The following TBX20 variants were observed in gnomAD, a reference collection of about 807,000 sequenced individuals.
TBX20 encodes the protein T-box transcription factor TBX20.
Under a neutral mutation model 42.9 loss-of-function variants are expected in TBX20, and 8 were observed. That is an observed-to-expected ratio of 0.19 (90% CI 0.11 to 0.34). The LOEUF is 0.34. Ranked by LOEUF, TBX20 falls within the 10% of genes least tolerant of loss-of-function variation. The probability of loss-of-function intolerance (pLI) is 1.00; values close to 1 mark genes in which losing one functional copy is unlikely to be tolerated. For missense variants in TBX20, 411 were observed against 566.0 expected, an observed-to-expected ratio of 0.73 and a Z score of 2.78; for synonymous variants, 198 against 222.8, an observed-to-expected ratio of 0.89 and a Z score of 0.99.
intron 6 of TBX20, among the ~76,000 whole-genome samples, chr7:35,218,229 T>G (rs562275016): frequency 1.3e-5 from 2 of 152,340 alleles, no homozygotes; most frequent in African/African-American, 4.8e-5. Flanking sequence ...TGGAATGGAT[T>G]AGACAATCTT....
At chr7:35,240,623 G>A (rs1453124391) in intron 5 of TBX20, among the ~76,000 whole-genome samples, 1 of 152,186 alleles carries the variant, frequency 6.6e-6, no homozygotes, top group East Asian at 1.9e-4. Flanking sequence ...GAAAATGTGA[G>A]AAGGCAGATT....
At chr7:35,247,633 T>C (rs1255421144) in intron 3 of TBX20, among the ~76,000 whole-genome samples, 2 of 152,204 alleles carry the variant, frequency 1.3e-5, no homozygotes, top group Non-Finnish European at 2.9e-5. Flanking sequence ...GACTCCAGAC[T>C]AGACACAAAG....
At position 35,240,959 on chromosome 7, in the gene TBX20, T is replaced by A. The variant is rs751292248; in HGVS notation, c.733A>T (p.Asn245Tyr). ...GTTCTAAATTCTTCAGACTTCAGGT[T>A]GAGCAATGAGGCTGTGTGGTCTTTC... ...KKKDHTASLL[N>Y]LKSEEFRTFI... Residue 245 changes from asparagine (N) to tyrosine (Y), a missense_variant, in exon 5 of 8, where the codon AAC (asparagine) becomes TAC (tyrosine). Around this residue, in one of 5 missense-constraint regions of TBX20, gnomAD observed 121 missense variants for 165.9 expected, o/e 0.73. Transcript: ENST00000408931. 1 of 1,613,868 alleles carries A rather than the reference T, an allele frequency of 6.2e-7. No homozygotes were observed. The highest frequency in any genetic ancestry group is 1.7e-5 in the Admixed American group (1 of 60,022).
intron 4 of TBX20, among the ~76,000 whole-genome samples, chr7:35,241,242 C>G (rs1317626704): frequency 3.3e-5 from 5 of 152,234 alleles, no homozygotes; most frequent in Non-Finnish European, 7.3e-5. Context: ...ACCAAAACAA[C>G]TGCAAACCAC....
Position 35,248,778 on chromosome 7 carries a change from G to T in TBX20, c.444C>A (p.Val148=). The part of the protein sequence containing the change: ...SGVDPEAKYI[V]LMDIVPVDNK... ...TGTCCACAGGGACGATGTCCATCAG[G>T]ACTATGTACTTGGCCTCAGGATCCA... The change falls in exon 3 of 8, where the codon GTC becomes GTA. Residue 148 remains valine, a synonymous_variant. Coordinates refer to ENST00000408931, the MANE Select transcript of TBX20 (RefSeq NM_001077653.2). The T allele has an allele frequency of 6.2e-7, 1 of 1,614,188 alleles. No individual in the cohort carries two copies. Among genetic ancestry groups the T allele is most frequent in the Non-Finnish European group, 8.5e-7 (1 of 1,180,036 alleles).
chr7:35,250,130 A>G lies in TBX20; in HGVS notation c.201T>C (p.Phe67=). ...ACGGGCTGCTGCCACTGCCTCCACC[A>G]AACTCCCCATGAGCATCCAGGCTGG... The part of the protein sequence containing the change: ...ELTSLDAHGE[F]GGGSGSSPSS... The change falls in exon 2 of 8, where the codon TTT becomes TTC. Residue 67 remains phenylalanine, a synonymous_variant. Transcript: ENST00000408931. The G allele has an allele frequency of 1.2e-6, 2 of 1,613,896 alleles. No individual in the cohort carries two copies. The highest frequency in any genetic ancestry group is 1.7e-6 in the Non-Finnish European group (2 of 1,179,952).
chr7:35,244,929 G>A lies in TBX20; in HGVS notation c.654+20C>T. 6.3e-7 allele frequency: 1 copy of A among 1,583,886 alleles called. No individual in the cohort carries two copies. Among genetic ancestry groups the A allele is most frequent in the Non-Finnish European group, 8.7e-7 (1 of 1,152,588 alleles). On this transcript the variant is annotated intron_variant, in intron 4 of 7. Coordinates refer to ENST00000408931, the MANE Select transcript of TBX20 (RefSeq NM_001077653.2). ...CATTCTACCTCAGGGAACCTGCACA[G>A]TCCAAGGCATGGTACTTACATGGCC...
intron 6 of TBX20, among the ~76,000 whole-genome samples, chr7:35,227,555 C>T (rs911042616): frequency 2.0e-5 from 3 of 152,116 alleles, no homozygotes; most frequent in East Asian, 1.9e-4. Flanking sequence ...CAGCACAGTA[C>T]GGTTTATAGT....
intron 6 of TBX20, among the ~76,000 whole-genome samples, chr7:35,225,117 AT>A (rs1282797306): frequency 7.2e-5 from 11 of 152,358 alleles, no homozygotes; most frequent in African/African-American, 1.9e-4. Flanking sequence ...ATTAAAACTG[AT>A]TTTTTAAGTT....
At chr7:35,226,594 C>G (rs1313580023) in intron 6 of TBX20, among the ~76,000 whole-genome samples, 1 of 152,084 alleles carries the variant, frequency 6.6e-6, no homozygotes, top group Non-Finnish European at 1.5e-5. Flanking sequence ...GCCTTAAAAA[C>G]ATATACAGTC....
At position 35,204,470 on chromosome 7, in the gene TBX20, C is replaced by T. The variant is rs1482677837; in HGVS notation, c.1003G>A (p.Gly335Arg). Reference protein sequence around the residue: ...GDESQTTPNRGSAFTTSDNLS... With the variant: ...GDESQTTPNRRSAFTTSDNLS... Reference sequence around the variant, plus strand: ...TCCATGGCCTTGGAAACTACCTTACCTCGATTTGGGGTTGTCTGACTCTCA... The same window carrying T: ...TCCATGGCCTTGGAAACTACCTTACTTCGATTTGGGGTTGTCTGACTCTCA... The change falls in exon 7 of 8, where the codon GGG (glycine) becomes AGG (arginine). Residue 335 changes from glycine (G) to arginine (R), a missense_variant and splice_region_variant. Gly to Arg is a moderately radical substitution (Grantham distance 125, BLOSUM62 -2). Coordinates refer to ENST00000408931, the MANE Select transcript of TBX20 (RefSeq NM_001077653.2). 4 of 1,610,938 alleles carry T rather than the reference C, an allele frequency of 2.5e-6. No individual in the cohort carries two copies. The South Asian group carries it at 3.3e-5, about 13-fold the overall frequency.
intron 6 of TBX20, among the ~76,000 whole-genome samples, chr7:35,222,618 A>G (rs1789701517): frequency 6.6e-6 from 1 of 152,184 alleles, no homozygotes; most frequent in Non-Finnish European, 1.5e-5. Flanking sequence ...ATCTGAGGAT[A>G]TGGTCAGGAA....
intron 7 of TBX20, among the ~76,000 whole-genome samples, chr7:35,203,893 T>C (rs1789349917): frequency 6.6e-6 from 1 of 152,234 alleles, no homozygotes; most frequent in South Asian, 2.1e-4. Context: ...CCCTCTGGGC[T>C]CTTTTCTCTG....
chr7:35,253,701 AAC>A lies in TBX20; in HGVS notation c.-83_-82del. On this transcript the variant is annotated 5_prime_UTR_variant, in exon 1 of 8. Transcript: ENST00000408931. ...TTCCCCAAGGGAGACAAAGACCCGAAACACAGCTCAAAGTTTCCGAGAGCAGT... is the reference window on the plus strand; with the variant it reads ...TTCCCCAAGGGAGACAAAGACCCGAAACAGCTCAAAGTTTCCGAGAGCAGT... 1.3e-6 allele frequency: 2 copies of A among 1,554,766 alleles called. No homozygotes were observed. Among genetic ancestry groups the A allele is most frequent in the South Asian group, 2.4e-5 (2 of 84,708 alleles).
intron 4 of TBX20, among the ~76,000 whole-genome samples, chr7:35,243,284 C>T (rs1214734052): frequency 1.3e-5 from 2 of 152,116 alleles, no homozygotes; most frequent in African/African-American, 4.8e-5. Context: ...CGTGCCTGGC[C>T]AGTATAAAAG....
At chr7:35,232,248 A>G (rs1204220181) in intron 5 of TBX20, among the ~76,000 whole-genome samples, 1 of 152,226 alleles carries the variant, frequency 6.6e-6, no homozygotes, top group Non-Finnish European at 1.5e-5. Context: ...ATGGAAAAAC[A>G]CATTCTAATA....
Position 35,249,306 on chromosome 7 carries a change from T to A in TBX20, c.381-465A>T, listed in dbSNP as rs1173497550. On this transcript the variant is annotated intron_variant, in intron 2 of 7. Coordinates refer to ENST00000408931, the MANE Select transcript of TBX20 (RefSeq NM_001077653.2). The surrounding 1 kb of genome is among the most constrained non-coding windows in gnomAD (Gnocchi z 4.3). ...TCTGGGAAGGATTTCTCAGATGCCCTGCAGGTATTTTCTGTAGTCCCAAGA... is the reference window on the plus strand; with the variant it reads ...TCTGGGAAGGATTTCTCAGATGCCCAGCAGGTATTTTCTGTAGTCCCAAGA... Among the ~76,000 whole-genome samples, 1 of 152,184 alleles carries A rather than the reference T, an allele frequency of 6.6e-6. No homozygotes were observed. Among genetic ancestry groups the A allele is most frequent in the Admixed American group, 6.5e-5 (1 of 15,288 alleles).
At chr7:35,251,312 A>C (rs1790301452) in intron 1 of TBX20, among the ~76,000 whole-genome samples, 1 of 152,186 alleles carries the variant, frequency 6.6e-6, no homozygotes, top group South Asian at 2.1e-4. Context: ...CATATGGGAC[A>C]CGCACAGATC....
At chr7:35,239,963 T>G (rs1160609857) in intron 5 of TBX20, among the ~76,000 whole-genome samples, 1 of 152,138 alleles carries the variant, frequency 6.6e-6, no homozygotes, top group Non-Finnish European at 1.5e-5. Context: ...TTGGCCAGGC[T>G]GGTCTCGAAC....
Sources: gnomAD v4.1 joint callset for allele counts (sites outside exome capture counted in the v4.1 genomes callset) on GRCh38, gnomAD v4.1.1 for gene constraint, gnomAD v4.1.1 regional missense constraint, Gnocchi (gnomAD v3.1) non-coding constraint, MANE v1.5 for transcripts, NCBI Gene and HGNC (gene_info 2026-07-23, HGNC 2026-07-21) for gene names.